FBXL7: variants seen among roughly 807,000 people sequenced by gnomAD.
The protein encoded by FBXL7 is F-box and leucine rich repeat protein 7.
FBXL7 carries 12 observed loss-of-function variants against 38.3 expected under a neutral mutation model. The observed-to-expected ratio is 0.31, with a 90% CI of 0.20 to 0.51. The LOEUF (loss-of-function observed/expected upper bound fraction) is 0.51, where lower values mean the gene tolerates loss of function less well. Ranked by LOEUF, FBXL7 falls within the 20% of genes least tolerant of loss-of-function variation. The pLI is 0.98. For synonymous variants in FBXL7, 297 were observed against 300.9 expected, an observed-to-expected ratio of 0.99 and a Z score of 0.13; for missense variants, 567 against 676.4, an observed-to-expected ratio of 0.84 and a Z score of 1.79.
At chr5:15,524,614 G>A (rs757901913) in intron 1 of FBXL7, among the ~76,000 whole-genome samples, 1 of 152,108 alleles carries the variant, frequency 6.6e-6, no homozygotes, top group African/African-American at 2.4e-5. Flanking sequence ...TTATTCATTG[G>A]TGATAGCTTG....
intron 2 of FBXL7, among the ~76,000 whole-genome samples, chr5:15,811,853 C>T (rs1354212551): frequency 3.3e-5 from 5 of 152,018 alleles, no homozygotes; most frequent in African/African-American, 1.2e-4. Flanking sequence ...GCTGGTGAGG[C>T]TGTGGAGAAA....
chr5:15,679,549 T>C (rs1272222365), intron 2 of FBXL7, among the ~76,000 whole-genome samples: 5 of 133,010 alleles, frequency 3.8e-5, no homozygotes, highest in Non-Finnish European at 7.9e-5. Flanking sequence ...AGCCATAATA[T>C]GCTTCATTGT....
At chr5:15,909,618 G>A in intron 2 of FBXL7, among the ~76,000 whole-genome samples, 1 of 9,044 alleles carries the variant, frequency 1.1e-4, no homozygotes, top group Non-Finnish European at 2.0e-4. Context: ...GTGATGTTAG[G>A]GTGTCAATTT....
chr5:15,861,302 G>A (rs1425514616), intron 2 of FBXL7, among the ~76,000 whole-genome samples: 1 of 152,204 alleles, frequency 6.6e-6, no homozygotes, highest in East Asian at 1.9e-4. Context: ...CCCTGTATCT[G>A]AAGTCTTTGA....
intron 2 of FBXL7, among the ~76,000 whole-genome samples, chr5:15,674,861 C>T (rs184484280): frequency 9.2e-4 from 140 of 152,214 alleles, no homozygotes; most frequent in African/African-American, 3.3e-3. Context: ...GTTGTTTGAC[C>T]TGATAAACTC....
chr5:15,856,133 G>A (rs548289632), intron 2 of FBXL7, among the ~76,000 whole-genome samples: 2 of 152,126 alleles, frequency 1.3e-5, no homozygotes, highest in East Asian at 3.9e-4. Context: ...TGACAGGGAG[G>A]TGAAAGGCAC....
At chr5:15,537,626 G>C (rs954711425) in intron 1 of FBXL7, among the ~76,000 whole-genome samples, 1 of 152,220 alleles carries the variant, frequency 6.6e-6, no homozygotes, top group African/African-American at 2.4e-5. Flanking sequence ...AGGACAAATT[G>C]TTGTGGTCCC....
chr5:15,764,601 A>T (rs2964268), intron 2 of FBXL7, among the ~76,000 whole-genome samples: 1 of 152,126 alleles, frequency 6.6e-6, no homozygotes, highest in Admixed American at 6.5e-5. Context: ...AGCATCAGCC[A>T]TGAGGCCAGA....
intron 2 of FBXL7, among the ~76,000 whole-genome samples, chr5:15,629,600 G>T (rs1740932871): frequency 6.6e-6 from 1 of 152,106 alleles, no homozygotes; most frequent in African/African-American, 2.4e-5. Context: ...CTAGGCCACA[G>T]CCCAGTCAAC....
At chr5:15,821,421 G>A (rs547613125) in intron 2 of FBXL7, among the ~76,000 whole-genome samples, 40 of 152,186 alleles carry the variant, frequency 2.6e-4, no homozygotes, top group African/African-American at 9.4e-4. Flanking sequence ...AAAACCCGTC[G>A]CACAGGGAGA....
chr5:15,637,314 A>T (rs1419418935), intron 2 of FBXL7, among the ~76,000 whole-genome samples: 1 of 152,234 alleles, frequency 6.6e-6, no homozygotes, highest in East Asian at 1.9e-4. Flanking sequence ...GAGTCCAGGG[A>T]CCAGAATACC....
chr5:15,506,102 C>T (rs571889297), intron 1 of FBXL7, among the ~76,000 whole-genome samples: 1 of 151,984 alleles, frequency 6.6e-6, no homozygotes, highest in South Asian at 2.1e-4. Context: ...TTAGCAGCCT[C>T]AGCATACAAT....
intron 1 of FBXL7, among the ~76,000 whole-genome samples, chr5:15,509,285 C>A (rs1394730611): frequency 6.6e-6 from 1 of 151,762 alleles, no homozygotes; most frequent in East Asian, 1.9e-4. Context: ...TTTTTTTATT[C>A]CTGCTATAGC....
chr5:15,612,419 C>T (rs141431138), intron 1 of FBXL7, among the ~76,000 whole-genome samples: 238 of 152,268 alleles, frequency 1.6e-3, no homozygotes, highest in African/African-American at 5.6e-3. Flanking sequence ...CAACCTTATA[C>T]TCTTTCTTCA....
At chr5:15,819,354 G>GA (rs891097085) in intron 2 of FBXL7, among the ~76,000 whole-genome samples, 25 of 149,412 alleles carry the variant, frequency 1.7e-4, no homozygotes, top group Admixed American at 3.3e-4. Context: ...TATGAAAACT[G>GA]AAAAAAAAAT....
chr5:15,821,278 AT>A (rs1389775321), intron 2 of FBXL7, among the ~76,000 whole-genome samples: 1 of 152,104 alleles, frequency 6.6e-6, no homozygotes, highest in African/African-American at 2.4e-5. Context: ...TTATAAATTA[AT>A]TTTTTTAGGT....
At chr5:15,837,830 G>C (rs1258045383) in intron 2 of FBXL7, among the ~76,000 whole-genome samples, 5 of 152,080 alleles carry the variant, frequency 3.3e-5, no homozygotes, top group African/African-American at 1.2e-4. Context: ...CTCTGGGCTC[G>C]TTGAAACTCT....
intron 2 of FBXL7, among the ~76,000 whole-genome samples, chr5:15,638,983 C>G (rs980865372): frequency 2.0e-5 from 3 of 152,288 alleles, no homozygotes; most frequent in African/African-American, 7.2e-5. Context: ...TCTACCTAGT[C>G]TGGTTTTTCC....
At chr5:15,594,376 G>A (rs1739561001) in intron 1 of FBXL7, among the ~76,000 whole-genome samples, 2 of 152,170 alleles carry the variant, frequency 1.3e-5, no homozygotes, top group Non-Finnish European at 2.9e-5. Flanking sequence ...GATCTTGGGC[G>A]GTCCACGCTA....
Sources: allele counts gnomAD v4.1 joint callset (sites outside exome capture counted in the v4.1 genomes callset), GRCh38; gene constraint gnomAD v4.1.1; transcripts MANE v1.5; gene names NCBI Gene and HGNC (gene_info 2026-07-23, HGNC 2026-07-21).